Variants in FBXW7 observed in about 807,000 individuals in gnomAD.
FBXW7 encodes the protein F-box and WD repeat domain containing 7.
FBXW7 carries 11 observed loss-of-function variants against 86.3 expected under a neutral mutation model. That is an observed-to-expected ratio of 0.13 (90% CI 0.08 to 0.21). The LOEUF is 0.21. Among genes scored for constraint, FBXW7 ranks in the 10% least tolerant of loss-of-function variants. FBXW7 has a pLI of 1.00. For synonymous variants in FBXW7, 313 were observed against 297.9 expected, an observed-to-expected ratio of 1.05 and a Z score of -0.52; for missense variants, 488 against 847.4, an observed-to-expected ratio of 0.58 and a Z score of 5.27.
intron 2 of FBXW7, among the ~76,000 whole-genome samples, chr4:152,439,398 T>C (rs1740672865): frequency 6.6e-6 from 1 of 152,026 alleles, no homozygotes; most frequent in South Asian, 2.1e-4. Context: ...GGGTAAATAT[T>C]TAGCTATATA....
In FBXW7 at chr4:152,347,065, A is replaced by G. The variant is rs762593853; in HGVS notation, c.591T>C (p.Thr197=). ...PCKVSEYTST[T]GLVPCSATPT... is the part of the protein sequence containing the mutation. ...GTGTTGCTGAACATGGTACAAGCCC[A>G]GTGGTACTACAAAAAAAAAAAAAAG... Residue 197 remains threonine, a synonymous_variant, in exon 6 of 14, where the codon ACT becomes ACC. Transcript: ENST00000281708. 2 of 1,587,642 alleles carry G rather than the reference A, an allele frequency of 1.3e-6. No homozygotes were observed. The highest frequency in any genetic ancestry group is 1.9e-5 in the Admixed American group (1 of 53,204).
At chr4:152,479,792 G>C (rs1463647542) in intron 2 of FBXW7, among the ~76,000 whole-genome samples, 1 of 152,076 alleles carries the variant, frequency 6.6e-6, no homozygotes, top group Non-Finnish European at 1.5e-5. Context: ...TATTGCAAAG[G>C]CACATTTTCC....
At chr4:152,388,685 T>C (rs1395683628) in intron 4 of FBXW7, among the ~76,000 whole-genome samples, 2 of 152,186 alleles carry the variant, frequency 1.3e-5, no homozygotes, top group Admixed American at 6.5e-5. Context: ...CTTAACTATT[T>C]AATGTCTTGC....
At chr4:152,352,646 G>A (rs1731937528) in intron 4 of FBXW7, 3 of 1,613,746 alleles carry the variant, frequency 1.9e-6, no homozygotes, top group Non-Finnish European at 1.7e-6. Flanking sequence ...GTCAGAAAAG[G>A]AAGATTAGGG....
Position 152,369,314 on chromosome 4 carries a change from A to T in FBXW7, c.502-19190T>A, listed in dbSNP as rs1288740983. On this transcript the variant is annotated intron_variant, in intron 4 of 13. Coordinates refer to ENST00000281708, the MANE Select transcript of FBXW7 (RefSeq NM_001349798.2). ...TCACAGATAAGGCTTAGTAAGTGGTACAGCAAAGAACTTAAACCCAGGTCC... is the reference window on the plus strand; with the variant it reads ...TCACAGATAAGGCTTAGTAAGTGGTTCAGCAAAGAACTTAAACCCAGGTCC... Among the ~76,000 whole-genome samples, 56 of 152,106 alleles carry T rather than the reference A, an allele frequency of 3.7e-4. 1 individual carries two copies.
chr4:152,373,076 A>G (rs1471123721), intron 4 of FBXW7, among the ~76,000 whole-genome samples: 1 of 151,990 alleles, frequency 6.6e-6, no homozygotes, highest in Non-Finnish European at 1.5e-5. Flanking sequence ...TTTGGACACT[A>G]AGGGTCTGTT....
intron 2 of FBXW7, among the ~76,000 whole-genome samples, chr4:152,445,947 A>G (rs1329600125): frequency 6.7e-6 from 1 of 149,348 alleles, no homozygotes; most frequent in Non-Finnish European, 1.5e-5. Context: ...AAAAAACCAA[A>G]GTGCTTAGTA....
intron 4 of FBXW7, among the ~76,000 whole-genome samples, chr4:152,380,816 T>C (rs1490234500): frequency 6.6e-6 from 1 of 152,028 alleles, no homozygotes; most frequent in Non-Finnish European, 1.5e-5. Context: ...CACTTCTTTT[T>C]CTCAATTTTT....
At chr4:152,428,410 C>T (rs529899129) in intron 2 of FBXW7, among the ~76,000 whole-genome samples, 1 of 152,088 alleles carries the variant, frequency 6.6e-6, no homozygotes, top group Non-Finnish European at 1.5e-5. Flanking sequence ...AATAAATATT[C>T]TTTATTCTTA....
At chr4:152,362,891 GATATGTT>G (rs1416001266) in intron 4 of FBXW7, among the ~76,000 whole-genome samples, 1 of 143,354 alleles carries the variant, frequency 7.0e-6, no homozygotes, top group Non-Finnish European at 1.5e-5. Context: ...GATAAATGAA[GATATGTT>G]AATCATCATG....
At chr4:152,380,564 G>C (rs1248873726) in intron 4 of FBXW7, among the ~76,000 whole-genome samples, 1 of 151,690 alleles carries the variant, frequency 6.6e-6, no homozygotes, top group Admixed American at 6.6e-5. Context: ...ACCTAGAAAA[G>C]TCAAATTAAA....
intron 4 of FBXW7, among the ~76,000 whole-genome samples, chr4:152,370,350 T>A (rs1206839093): frequency 6.6e-6 from 1 of 151,976 alleles, no homozygotes; most frequent in African/African-American, 2.4e-5. Context: ...CATCATTATA[T>A]GAGGATACCA....
chr4:152,418,810 T>G (rs1407897943), intron 2 of FBXW7, among the ~76,000 whole-genome samples: 1 of 152,182 alleles, frequency 6.6e-6, no homozygotes, highest in African/African-American at 2.4e-5. Flanking sequence ...AATAGTCTTA[T>G]TTCAGTTGAA....
intron 2 of FBXW7, among the ~76,000 whole-genome samples, chr4:152,518,622 A>G (rs1317784430): frequency 2.0e-5 from 3 of 152,232 alleles, no homozygotes; most frequent in Non-Finnish European, 2.9e-5. Flanking sequence ...TAGTATTTGC[A>G]TGTAACTTTT....
At chr4:152,367,338 C>T (rs1346867851) in intron 4 of FBXW7, among the ~76,000 whole-genome samples, 1 of 152,020 alleles carries the variant, frequency 6.6e-6, no homozygotes, top group African/African-American at 2.4e-5. Flanking sequence ...ATTTTAATCT[C>T]TATGAAAAGA....
At chr4:152,494,237 A>G (rs562494410) in intron 2 of FBXW7, among the ~76,000 whole-genome samples, 3 of 152,330 alleles carry the variant, frequency 2.0e-5, no homozygotes, top group Admixed American at 2.0e-4. Context: ...AACATTAAGA[A>G]GAAAGAAAAT....
At chr4:152,449,230 T>A (rs1217993121) in intron 2 of FBXW7, among the ~76,000 whole-genome samples, 1 of 152,218 alleles carries the variant, frequency 6.6e-6, no homozygotes, top group East Asian at 1.9e-4. Flanking sequence ...AAATTTTACT[T>A]CTATACTATA....
At chr4:152,522,230 A>G (rs1044101337) in intron 2 of FBXW7, among the ~76,000 whole-genome samples, 2 of 152,170 alleles carry the variant, frequency 1.3e-5, no homozygotes, top group Non-Finnish European at 2.9e-5. Flanking sequence ...CTCTATTCAT[A>G]ATACACTTTT....
intron 2 of FBXW7, among the ~76,000 whole-genome samples, chr4:152,485,832 T>C (rs1035621686): frequency 5.9e-5 from 9 of 152,208 alleles, no homozygotes; most frequent in Non-Finnish European, 7.3e-5. Flanking sequence ...ACCAGACTGA[T>C]TGAGTTCTCG....
Sources: allele counts gnomAD v4.1 joint callset (sites outside exome capture counted in the v4.1 genomes callset), GRCh38; gene constraint gnomAD v4.1.1; transcripts MANE v1.5; gene names NCBI Gene and HGNC (gene_info 2026-07-23, HGNC 2026-07-21).